Variants in TAF8 observed in about 807,000 individuals in gnomAD.
TAF8 encodes the protein TATA-box binding protein associated factor 8, also known as transcription initiation factor TFIID subunit 8.
Under a neutral mutation model 36.5 loss-of-function variants are expected in TAF8, and 47 were observed. The ratio of observed to expected loss-of-function variants is 1.29; its 90% CI spans 1.02 to 1.64. The LOEUF (loss-of-function observed/expected upper bound fraction) is 1.64. Ranked by LOEUF, TAF8 falls within the 40% of genes most tolerant of loss-of-function variation. The pLI is 0.00. For missense variants in TAF8, 420 were observed against 407.6 expected (o/e 1.03, Z -0.26); for synonymous variants, 175 against 159.5 (o/e 1.10, Z -0.73).
downstream of TAF8, among the ~76,000 whole-genome samples, chr6:42,084,446 T>C (rs574743758): frequency 5.6e-4 from 85 of 152,198 alleles, no homozygotes; most frequent in South Asian, 1.0e-2. Flanking sequence ...ATTTATTTAT[T>C]TTTATTTTTT....
intron 7 of TAF8, among the ~76,000 whole-genome samples, chr6:42,072,718 T>A (rs531306498): frequency 6.6e-6 from 1 of 151,990 alleles, no homozygotes; most frequent in Admixed American, 6.6e-5. Context: ...AAATAACTGG[T>A]TTTTTTGTTT....
At chr6:42,054,273 A>G (rs1764900929) in intron 2 of TAF8, among the ~76,000 whole-genome samples, 1 of 152,208 alleles carries the variant, frequency 6.6e-6, no homozygotes, top group Non-Finnish European at 1.5e-5. Flanking sequence ...TTCAGGCAGA[A>G]GAAAGAAAAA....
intron 5 of TAF8, among the ~76,000 whole-genome samples, chr6:42,061,263 A>G (rs1388082457): frequency 6.6e-6 from 1 of 152,252 alleles, no homozygotes; most frequent in Non-Finnish European, 1.5e-5. Context: ...TTATTAATGT[A>G]CACTAAACTA....
intron 2 of TAF8, 98 bp downstream of exon 2, chr6:42,051,611 T>C (rs766874675): frequency 4.9e-6 from 7 of 1,438,386 alleles, no homozygotes; most frequent in Non-Finnish European, 5.6e-6. Context: ...AAACAAACTT[T>C]TTTCTTAAGA....
downstream of TAF8, among the ~76,000 whole-genome samples, chr6:42,085,347 G>A (rs1562026532): frequency 6.6e-6 from 1 of 152,206 alleles, no homozygotes; most frequent in Admixed American, 6.5e-5. Context: ...ATGCTCGTTC[G>A]TTGGGGTATC....
chr6:42,050,538 C>T lies in TAF8; in HGVS notation c.-4C>T. The stretch of plus-strand genomic sequence containing the variant: ...CGCGCTCGCGCACACTACGCCAGAA[C>T]AAGATGGCCGACGCGGCGGCCACAG... On this transcript the variant is annotated 5_prime_UTR_variant, in exon 1 of 9. Transcript: ENST00000372977. The T allele has an allele frequency of 6.6e-7, 1 of 1,524,570 alleles. No individual in the cohort carries two copies. Among genetic ancestry groups the T allele is most frequent in the Non-Finnish European group, 8.8e-7 (1 of 1,130,654 alleles). 94.4% of individuals were successfully genotyped at this position (1,524,570 alleles called of 1,614,324 possible).
chr6:42,087,356 C>T (rs1246147133), downstream of TAF8: 1 of 120,506 alleles, frequency 8.3e-6, no homozygotes, highest in South Asian at 3.0e-4. Flanking sequence ...TTATATAGCA[C>T]TTACTATGTG....
chr6:42,053,089 A>G (rs1214218469), intron 2 of TAF8, among the ~76,000 whole-genome samples: 1 of 152,048 alleles, frequency 6.6e-6, no homozygotes, highest in Non-Finnish European at 1.5e-5. Flanking sequence ...ATTCTTATTA[A>G]TTAGAGATGG....
At chr6:42,072,244 G>A (rs965908591) in intron 7 of TAF8, among the ~76,000 whole-genome samples, 1 of 152,108 alleles carries the variant, frequency 6.6e-6, no homozygotes, top group Non-Finnish European at 1.5e-5. Context: ...GCCCTTCTGT[G>A]AAAAATAAAA....
chr6:42,058,760 G>A (rs1485813685), intron 5 of TAF8, among the ~76,000 whole-genome samples: 1 of 152,144 alleles, frequency 6.6e-6, no homozygotes, highest in Non-Finnish European at 1.5e-5. Flanking sequence ...GAAATTTATT[G>A]TCTCACAGTT....
rs1765851181 is a variant in TAF8 at position 42,079,271 on chromosome 6, G to C, written c.*1726G>C. The C allele has an allele frequency of 2.0e-6, 2 of 985,504 alleles. No individual in the cohort carries two copies. Among genetic ancestry groups the C allele is most frequent in the Non-Finnish European group, 1.2e-6 (1 of 830,008 alleles). 61.0% of individuals were successfully genotyped at this position (985,504 alleles called of 1,614,324 possible). On this transcript the variant is annotated 3_prime_UTR_variant, in exon 9 of 9. Coordinates refer to ENST00000372977, the MANE Select transcript of TAF8 (RefSeq NM_138572.3). The stretch of plus-strand genomic sequence containing the variant: ...TGGTGGATGGGCAGGAGTGAGCCAA[G>C]CTGAGGCGTTCTGCAAGAAGCAGGT...
At chr6:42,050,908 TCTTA>T in intron 1 of TAF8, 1 of 1,177,488 alleles carries the variant, frequency 8.5e-7, no homozygotes, top group Non-Finnish European at 1.1e-6. Flanking sequence ...TATTTAGCTT[TCTTA>T]CTTTTTTGTG....
intron 5 of TAF8, chr6:42,057,851 G>T (rs1337017827): frequency 6.2e-6 from 2 of 324,654 alleles, no homozygotes; most frequent in African/African-American, 4.3e-5. Context: ...TCTCAAGTTT[G>T]CCAGCTAAAG....
rs1314704346 is a variant in TAF8, at chr6:42,079,637, A to G, written c.*2092A>G. 2.3e-5 allele frequency: 21 copies of G among 899,174 alleles called. No individual in the cohort carries two copies. Among genetic ancestry groups the G allele is most frequent in the Non-Finnish European group, 2.5e-5 (19 of 751,910 alleles). The allele number at this position is 899,174 out of a possible 1,614,324, so 55.7% of individuals were successfully genotyped here. ...GAGTATAGTGGCACTACCTCGGCTCACTGCAACCTCCACTCCCCGGGTTCA... is the reference window on the plus strand; with the variant it reads ...GAGTATAGTGGCACTACCTCGGCTCGCTGCAACCTCCACTCCCCGGGTTCA... On this transcript the variant is annotated 3_prime_UTR_variant, in exon 9 of 9. Coordinates refer to ENST00000372977, the MANE Select transcript of TAF8 (RefSeq NM_138572.3).
intron 7 of TAF8, among the ~76,000 whole-genome samples, 179 bp downstream of exon 7, chr6:42,068,786 A>G (rs1340195843): frequency 6.6e-6 from 1 of 152,164 alleles, no homozygotes; most frequent in African/African-American, 2.4e-5. Flanking sequence ...TTAGAGACAC[A>G]TCCGTGTCCT....
In TAF8 at chr6:42,079,346, T is replaced by A; in HGVS notation, c.*1801T>A. On this transcript the variant is annotated 3_prime_UTR_variant, in exon 9 of 9. Transcript: ENST00000372977. ...TCCTGTGGGGAGAACAACTTCATTC[T>A]TAACATACCCTACAAACCAGAAAAC... 1.0e-6 allele frequency: 1 copy of A among 985,444 alleles called. No individual in the cohort carries two copies. Among genetic ancestry groups the A allele is most frequent in the Admixed American group, 6.1e-5 (1 of 16,276 alleles). 61.0% of individuals were successfully genotyped at this position (985,444 alleles called of 1,614,324 possible). A position where few individuals can be genotyped will look rare whatever the true frequency, so the allele number is the denominator to read the frequency against.
Position 42,061,724 on chromosome 6 carries a change from A to T in TAF8, c.489+4211A>T, listed in dbSNP as rs141705008. Among the ~76,000 whole-genome samples the T allele has an allele frequency of 2.3e-3, 347 of 152,358 alleles. 16 individuals are homozygous for T. In the East Asian group the frequency reaches 0.059, roughly 26 times the overall value. Reference sequence around the variant, plus strand: ...ACCAAAGAAAGCCAAACACCATTTCATATTTGACAATGCCTCCTGTATGAT... The same window carrying T: ...ACCAAAGAAAGCCAAACACCATTTCTTATTTGACAATGCCTCCTGTATGAT... On this transcript the variant is annotated intron_variant, in intron 5 of 8. Transcript: ENST00000372977.
At chr6:42,072,039 C>T (rs1765596797) in intron 7 of TAF8, among the ~76,000 whole-genome samples, 1 of 152,162 alleles carries the variant, frequency 6.6e-6, no homozygotes, top group South Asian at 2.1e-4. Context: ...CCAGGCTGTG[C>T]TGCTTGCCAC....
rs1168596606 is a variant in TAF8 at position 42,068,529 on chromosome 6, G to A, written c.702G>A (p.Met234Ile). 3 of 1,614,128 alleles carry A rather than the reference G, an allele frequency of 1.9e-6. No individual in the cohort carries two copies. The highest frequency in any genetic ancestry group is 8.5e-7 in the Non-Finnish European group (1 of 1,180,026). Residue 234 changes from methionine (M) to isoleucine (I), a missense_variant, in exon 7 of 9, where the codon ATG becomes ATA. Met to Ile is a conservative substitution (Grantham distance 10, BLOSUM62 1). Coordinates refer to ENST00000372977, the MANE Select transcript of TAF8 (RefSeq NM_138572.3). ...LTALLPSELE[M>I]QQMEETDSSE... ...CTCTTCTTCCGTCTGAACTGGAGAT[G>A]CAACAAATGGAAGAGACAGATTCCT... is the stretch of plus-strand genomic sequence containing the variant.
Sources: gnomAD v4.1 joint callset for allele counts (sites outside exome capture counted in the v4.1 genomes callset) on GRCh38, gnomAD v4.1.1 for gene constraint, MANE v1.5 for transcripts, NCBI Gene and HGNC (gene_info 2026-07-23, HGNC 2026-07-21) for gene names.